The following SH3BGRL variants were observed in gnomAD, a reference collection of about 807,000 sequenced individuals.
SH3BGRL encodes adapter SH3BGRL.
A neutral mutation model predicts 9.8 loss-of-function variants in SH3BGRL; 7 were observed. That is an observed-to-expected ratio of 0.72 (90% confidence interval 0.41 to 1.35). The LOEUF (loss-of-function observed/expected upper bound fraction) is 1.35, where lower values mean the gene tolerates loss of function less well. Among genes scored for constraint, SH3BGRL ranks in the 40% most tolerant of loss-of-function variants. The pLI, the probability that SH3BGRL is intolerant of heterozygous loss-of-function variation, is 0.01. For missense variants in SH3BGRL, 73 were observed against 84.4 expected (o/e 0.86, Z 0.53); for synonymous variants, 36 against 29.1 (o/e 1.24, Z -0.76).
intron 1 of SH3BGRL, among the ~76,000 whole-genome samples, chrX:81,218,809 A>ATAGATG (rs2075590481): frequency 9.4e-6 from 1 of 106,743 alleles, no homozygotes; most frequent in Non-Finnish European, 1.9e-5. Flanking sequence ...AGATATAGAT[A>ATAGATG]TAGATATAGA....
At chrX:81,251,040 A>G (rs1363237385) in intron 1 of SH3BGRL, among the ~76,000 whole-genome samples, 2 of 112,394 alleles carry the variant, frequency 1.8e-5, no homozygotes, top group African/African-American at 6.5e-5. Context: ...TGAAGACTGC[A>G]TAATTAAAGA....
At chrX:81,226,253 G>A (rs1464255799) in intron 1 of SH3BGRL, among the ~76,000 whole-genome samples, 1 of 110,123 alleles carries the variant, frequency 9.1e-6, no homozygotes, top group Non-Finnish European at 1.9e-5. Context: ...TGCTATTAGA[G>A]CACTTCACCT....
At chrX:81,241,362 C>T (rs766403641) in intron 1 of SH3BGRL, among the ~76,000 whole-genome samples, 15 of 112,172 alleles carry the variant, frequency 1.3e-4, no homozygotes, top group Non-Finnish European at 1.9e-4. Flanking sequence ...TCAGGTGAAA[C>T]CCCACCTTCA....
intron 1 of SH3BGRL, chrX:81,202,485 G>A: frequency 2.0e-6 from 2 of 980,763 alleles, no homozygotes; most frequent in Non-Finnish European, 2.6e-6. Context: ...TTTCTGCTTT[G>A]AAGGAAAACG....
At chrX:81,292,268 A>C (rs1000725909) in intron 3 of SH3BGRL, among the ~76,000 whole-genome samples, 2 of 111,528 alleles carry the variant, frequency 1.8e-5, no homozygotes, top group Admixed American at 1.9e-4. Flanking sequence ...CCAAGCTTCA[A>C]CTCTTGCCTG....
rs180775488 is a variant in SH3BGRL at position 81,231,990 on chromosome X, A to G, written c.45+29745A>G. Among the ~76,000 whole-genome samples, 3 of 111,223 alleles carry G rather than the reference A, an allele frequency of 2.7e-5. No homozygotes were observed. The East Asian group carries it at 8.4e-4, about 31-fold the overall frequency. ...TATATACACACACACGTATATGTATATGTTTGTACAGGTGTGTGTGTCTAC... is the reference window on the plus strand; with the variant it reads ...TATATACACACACACGTATATGTATGTGTTTGTACAGGTGTGTGTGTCTAC... On this transcript the variant is annotated intron_variant, in intron 1 of 3. Transcript: ENST00000373212.
At chrX:81,211,395 C>G in intron 1 of SH3BGRL, among the ~76,000 whole-genome samples, 1 of 111,395 alleles carries the variant, frequency 9.0e-6, no homozygotes. Context: ...ACCATCCTGG[C>G]TAACAGGGTG....
intron 1 of SH3BGRL, among the ~76,000 whole-genome samples, chrX:81,274,337 G>T (rs769478041): frequency 1.2e-3 from 139 of 111,435 alleles, no homozygotes; most frequent in Middle Eastern, 4.6e-3. Flanking sequence ...AATTGGCTGG[G>T]TGCAGTGGCT....
At chrX:81,292,184 T>C (rs1486959464) in intron 3 of SH3BGRL, among the ~76,000 whole-genome samples, 1 of 112,192 alleles carries the variant, frequency 8.9e-6, no homozygotes, top group Non-Finnish European at 1.9e-5. Flanking sequence ...GCATGAGGGC[T>C]CCATGCTTGC....
rs138567372 is a variant in SH3BGRL, at chrX:81,217,107, A to G, written c.45+14862A>G. ...TTCTCCACATCCTCGCCAGCATGTT[A>G]TTGCCTGTCTTTGGATAAAAGCCAT... On this transcript the variant is annotated intron_variant, in intron 1 of 3. Transcript: ENST00000373212. Among the ~76,000 whole-genome samples the G allele has an allele frequency of 8.0e-3, 882 of 109,974 alleles. 5 individuals carry two copies. The highest frequency in any genetic ancestry group is 0.013 in the Non-Finnish European group (676 of 52,400).
intron 1 of SH3BGRL, among the ~76,000 whole-genome samples, chrX:81,256,337 G>A (rs892573020): frequency 8.0e-5 from 9 of 111,907 alleles, no homozygotes; most frequent in African/African-American, 1.3e-4. Flanking sequence ...TCTTTGATGG[G>A]AATTGACTTA....
intron 1 of SH3BGRL, among the ~76,000 whole-genome samples, chrX:81,259,105 T>A (rs1052011418): frequency 3.9e-4 from 44 of 112,374 alleles, no homozygotes; most frequent in South Asian, 1.1e-3. Context: ...TTTAAAAGTA[T>A]CTGTTGTGAG....
chrX:81,263,094 T>A (rs1396072202), intron 1 of SH3BGRL, among the ~76,000 whole-genome samples: 2 of 107,545 alleles, frequency 1.9e-5, no homozygotes, highest in African/African-American at 3.4e-5. Flanking sequence ...CTTCACAGAG[T>A]AGACCTGGAA....
At chrX:81,243,339 A>T in intron 1 of SH3BGRL, among the ~76,000 whole-genome samples, 1 of 112,074 alleles carries the variant, frequency 8.9e-6, no homozygotes, top group East Asian at 2.8e-4. Context: ...AATTCAAAAC[A>T]ATTAAACTCA....
intron 1 of SH3BGRL, among the ~76,000 whole-genome samples, chrX:81,233,785 A>C (rs1035573803): frequency 9.0e-6 from 1 of 110,869 alleles, no homozygotes; most frequent in Non-Finnish European, 1.9e-5. Context: ...ATAGTCAATA[A>C]TTTTAGAGCC....
chrX:81,211,401 G>C lies in SH3BGRL; in HGVS notation c.45+9156G>C, dbSNP rs767936800. 1.7e-4 allele frequency among the ~76,000 whole-genome samples: 19 copies of C among 111,315 alleles called. No homozygotes were observed. The South Asian group carries it at 2.3e-3, about 13-fold the overall frequency. ...GAGATCAAGACCATCCTGGCTAACA[G>C]GGTGAAACCCCGTCTCTACTGAAAA... is the stretch of plus-strand genomic sequence containing the variant. On this transcript the variant is annotated intron_variant, in intron 1 of 3. Coordinates refer to ENST00000373212, the MANE Select transcript of SH3BGRL (RefSeq NM_003022.3).
chrX:81,265,034 A>T (rs1448357033), intron 1 of SH3BGRL, among the ~76,000 whole-genome samples: 4 of 105,850 alleles, frequency 3.8e-5, no homozygotes, highest in African/African-American at 1.4e-4. Context: ...TTTTACTGTT[A>T]ACACCTGAAG....
intron 1 of SH3BGRL, among the ~76,000 whole-genome samples, chrX:81,229,751 G>A (rs1028258626): frequency 1.8e-5 from 2 of 111,659 alleles, no homozygotes; most frequent in Admixed American, 9.5e-5. Context: ...ATGTCCAGGC[G>A]CTTGTATGCG....
chrX:81,280,850 G>C (rs2075814451), intron 3 of SH3BGRL, among the ~76,000 whole-genome samples: 1 of 111,274 alleles, frequency 9.0e-6, no homozygotes, highest in Non-Finnish European at 1.9e-5. Context: ...AAGAATTCAG[G>C]GGGTTAGTTA....
Sources: gnomAD v4.1 joint callset for allele counts (sites outside exome capture counted in the v4.1 genomes callset) on GRCh38, gnomAD v4.1.1 for gene constraint, MANE v1.5 for transcripts, NCBI Gene and HGNC (gene_info 2026-07-23, HGNC 2026-07-21) for gene names.